Variants in DGKG observed in about 807,000 individuals in gnomAD.
DGKG encodes the protein diacylglycerol kinase gamma.
In DGKG, 78 loss-of-function variants were observed where a neutral mutation model predicts 105.3. The ratio of observed to expected loss-of-function variants is 0.74; its 90% CI spans 0.62 to 0.89. DGKG has a LOEUF of 0.89. Among genes scored for constraint, DGKG ranks in the 40% least tolerant of loss-of-function variants. The pLI is 0.00. For missense variants in DGKG, 958 were observed against 1,020.1 expected, an observed-to-expected ratio of 0.94 and a Z score of 0.83; for synonymous variants, 346 against 367.1, an observed-to-expected ratio of 0.94 and a Z score of 0.66.
chr3:186,259,035 G>A (rs1721616057), intron 16 of DGKG, among the ~76,000 whole-genome samples: 2 of 152,172 alleles, frequency 1.3e-5, no homozygotes, highest in African/African-American at 2.4e-5. Flanking sequence ...GAGCCCTGGA[G>A]CTTTCAGAAT....
chr3:186,253,074 C>T lies in DGKG; in HGVS notation c.1600+19G>A. The T allele has an allele frequency of 6.2e-7, 1 of 1,611,452 alleles. No homozygotes were observed. The highest frequency in any genetic ancestry group is 2.2e-5 in the East Asian group (1 of 44,860). On this transcript the variant is annotated intron_variant, in intron 18 of 24. Coordinates refer to ENST00000265022, the MANE Select transcript of DGKG (RefSeq NM_001346.3). The stretch of plus-strand genomic sequence containing the variant: ...GGAACACCTGTTCCCAGGGTACCAC[C>T]ATTAGCATGCAAACTCACCTCCTCC...
chr3:186,261,020 T>G (rs1400239590), intron 15 of DGKG, among the ~76,000 whole-genome samples: 1 of 152,190 alleles, frequency 6.6e-6, no homozygotes, highest in Non-Finnish European at 1.5e-5. Flanking sequence ...AGGCCGTGAC[T>G]GCACCCAGGC....
intron 24 of DGKG, among the ~76,000 whole-genome samples, chr3:186,153,388 C>T (rs1715867577): frequency 1.3e-5 from 2 of 152,154 alleles, no homozygotes; most frequent in Admixed American, 1.3e-4. Flanking sequence ...AGCACCCAAG[C>T]TTCTTTGGTA....
intron 22 of DGKG, among the ~76,000 whole-genome samples, chr3:186,187,804 C>G (rs1717715788): frequency 6.6e-6 from 1 of 152,108 alleles, no homozygotes; most frequent in African/African-American, 2.4e-5. Flanking sequence ...ATGAGCAAAT[C>G]AAGTCCTAGA....
intron 21 of DGKG, among the ~76,000 whole-genome samples, chr3:186,198,924 C>T (rs193078184): frequency 1.3e-5 from 2 of 151,930 alleles, no homozygotes; most frequent in Admixed American, 6.5e-5. Flanking sequence ...TATTGAGTGG[C>T]GACAACATTA....
At chr3:186,183,012 A>C (rs545300805) in intron 22 of DGKG, among the ~76,000 whole-genome samples, 1 of 152,310 alleles carries the variant, frequency 6.6e-6, no homozygotes, top group Admixed American at 6.5e-5. Context: ...TGCTCAGGGA[A>C]TTCACAGGCT....
rs558506523 is a variant in DGKG, at chr3:186,219,528, G to C, written c.1827-7643C>G. ...TACTCTGAATGTGACTCTTGTGCCT[G>C]CTGTTCCTGCCAACAGATTTGTGTT... On this transcript the variant is annotated intron_variant, in intron 20 of 24. Coordinates refer to ENST00000265022, the MANE Select transcript of DGKG (RefSeq NM_001346.3). Among the ~76,000 whole-genome samples, 68 of 152,358 alleles carry C rather than the reference G, an allele frequency of 4.5e-4. No homozygotes were observed. In the South Asian group the frequency reaches 0.01, roughly 23 times the overall value.
chr3:186,178,372 G>A (rs1717193560), intron 22 of DGKG, among the ~76,000 whole-genome samples: 1 of 151,840 alleles, frequency 6.6e-6, no homozygotes, highest in Admixed American at 6.6e-5. Context: ...AATTCTGCAG[G>A]GGAACAGAGA....
chr3:186,301,645 T>C (rs1221496809), intron 3 of DGKG, among the ~76,000 whole-genome samples: 1 of 152,212 alleles, frequency 6.6e-6, no homozygotes, highest in Non-Finnish European at 1.5e-5. Context: ...AAACTTTCCA[T>C]GGTTTCTAAT....
At chr3:186,296,310 A>G (rs1723561859) in intron 5 of DGKG, among the ~76,000 whole-genome samples, 1 of 152,232 alleles carries the variant, frequency 6.6e-6, no homozygotes, top group African/African-American at 2.4e-5. Flanking sequence ...AAACATGCCC[A>G]CGGTTACAGA....
At chr3:186,305,106 T>G in intron 3 of DGKG, among the ~76,000 whole-genome samples, 1 of 152,326 alleles carries the variant, frequency 6.6e-6, no homozygotes. Flanking sequence ...GACACAGCAG[T>G]GAACAAAAAT....
intron 6 of DGKG, among the ~76,000 whole-genome samples, chr3:186,286,563 T>C (rs1426631061): frequency 2.0e-5 from 3 of 152,366 alleles, no homozygotes; most frequent in East Asian, 1.9e-4. Flanking sequence ...GTTGTTATTA[T>C]TGCATTGGCA....
At chr3:186,152,921 C>T (rs1715836305) in intron 24 of DGKG, among the ~76,000 whole-genome samples, 1 of 151,296 alleles carries the variant, frequency 6.6e-6, no homozygotes, top group Non-Finnish European at 1.5e-5. Flanking sequence ...GTCGGCCTCC[C>T]AAAGTGCTGG....
intron 14 of DGKG, among the ~76,000 whole-genome samples, chr3:186,263,304 T>C (rs1052405167): frequency 1.3e-5 from 2 of 151,976 alleles, no homozygotes; most frequent in African/African-American, 2.4e-5. Flanking sequence ...TGGTGGCTCA[T>C]GCCTGTAATC....
chr3:186,287,873 C>T (rs1315195508), intron 6 of DGKG, among the ~76,000 whole-genome samples: 1 of 152,186 alleles, frequency 6.6e-6, no homozygotes, highest in African/African-American at 2.4e-5. Flanking sequence ...GGAATTTTGA[C>T]TTTGGCTGTA....
At chr3:186,172,027 T>A (rs1716847414) in intron 22 of DGKG, among the ~76,000 whole-genome samples, 1 of 152,088 alleles carries the variant, frequency 6.6e-6, no homozygotes, top group South Asian at 2.1e-4. Flanking sequence ...AGTTAATTTT[T>A]GTAGAGATGG....
intron 1 of DGKG, among the ~76,000 whole-genome samples, chr3:186,340,654 T>C (rs577161110): frequency 3.3e-5 from 5 of 152,308 alleles, no homozygotes; most frequent in Admixed American, 1.3e-4. Flanking sequence ...CTTTTAAATA[T>C]ATAAATACTC....
At position 186,194,803 on chromosome 3, in the gene DGKG, T is replaced by TAAAAA. The variant is rs57878064; in HGVS notation, c.1918-6429_1918-6425dup. Among the ~76,000 whole-genome samples the TAAAAA allele has an allele frequency of 2.8e-4, 30 of 105,400 alleles. 4 individuals are homozygous for TAAAAA. The highest frequency in any genetic ancestry group is 3.6e-4 in the African/African-American group (10 of 27,926). The allele number at this position is 105,400 out of a possible 152,430, so 69.1% of individuals were successfully genotyped here. On this transcript the variant is annotated intron_variant, in intron 21 of 24. Transcript: ENST00000265022. ...CCACGACTCTTTCTTGGTCTTTCTT[T>TAAAAA]AAAAAAAAAAAAAAAAAAAGCCGGG...
chr3:186,253,304 C>T (rs1485936678), intron 17 of DGKG, 122 bp from the exon 18 acceptor site: 6 of 744,668 alleles, frequency 8.1e-6, no homozygotes, highest in Non-Finnish European at 1.2e-5. Context: ...TGAATACCAC[C>T]CTGATGGGAA....
Sources: allele counts gnomAD v4.1 joint callset (sites outside exome capture counted in the v4.1 genomes callset), GRCh38; gene constraint gnomAD v4.1.1; transcripts MANE v1.5; gene names NCBI Gene and HGNC (gene_info 2026-07-23, HGNC 2026-07-21).